The following SMAD4 variants were observed in gnomAD, a reference collection of about 807,000 sequenced individuals.
The protein encoded by SMAD4 is SMAD family member 4, also known as MAD homolog 4.
A neutral mutation model predicts 63.2 loss-of-function variants in SMAD4; 7 were observed. The ratio of observed to expected loss-of-function variants is 0.11; its 90% CI spans 0.06 to 0.21. The LOEUF (loss-of-function observed/expected upper bound fraction) is 0.21, where lower values mean the gene tolerates loss of function less well. SMAD4 is among the 10% of genes least tolerant of loss of function. The pLI is 1.00. For synonymous variants in SMAD4, 215 were observed against 235.4 expected (o/e 0.91, Z 0.79); for missense variants, 312 against 693.8 (o/e 0.45, Z 6.18).
intron 10 of SMAD4, among the ~76,000 whole-genome samples, chr18:51,072,833 A>C (rs1278892129): frequency 3.3e-5 from 5 of 152,174 alleles, no homozygotes; most frequent in Non-Finnish European, 7.4e-5. Flanking sequence ...GATTACTTTG[A>C]ATTGCCTTTG....
At chr18:51,065,720 G>A in intron 9 of SMAD4, 114 bp downstream of exon 9, 1 of 797,692 alleles carries the variant, frequency 1.3e-6, no homozygotes. Flanking sequence ...TATAAATAAA[G>A]GAATAAAGGT....
chr18:51,042,349 CTCTGTTTTCTT>C (rs1332836863), intron 1 of SMAD4, among the ~76,000 whole-genome samples: 1 of 108,330 alleles, frequency 9.2e-6, no homozygotes, highest in Non-Finnish European at 1.8e-5. Context: ...CTCTCTTTCT[CTCTGTTTTCTT>C]TCTTTTTCCT....
chr18:51,084,968 C>A lies in SMAD4; in HGVS notation c.*6501C>A, dbSNP rs1005356406. On this transcript the variant is annotated 3_prime_UTR_variant, in exon 12 of 12. Transcript: ENST00000342988. ...ACTTTTGCCTGGTTAAAGTCTGTGG[C>A]TAAAAAATAGTCGAACCTTTCTTGA... The A allele has an allele frequency of 4.7e-6, 1 of 213,440 alleles. No individual in the cohort carries two copies. The highest frequency in any genetic ancestry group is 9.5e-6 in the Non-Finnish European group (1 of 105,686). 13.2% of individuals were successfully genotyped at this position (213,440 alleles called of 1,614,324 possible). A position where few individuals can be genotyped will look rare whatever the true frequency, so the allele number is the denominator to read the frequency against.
intron 4 of SMAD4, among the ~76,000 whole-genome samples, chr18:51,050,846 T>C (rs1029549827): frequency 2.0e-5 from 3 of 151,906 alleles, no homozygotes; most frequent in African/African-American, 7.3e-5. Flanking sequence ...TCCACCTTTC[T>C]CCCATATCAC....
At chr18:51,073,380 T>TACACACACAC (rs1910372899) in intron 10 of SMAD4, among the ~76,000 whole-genome samples, 1 of 88,002 alleles carries the variant, frequency 1.1e-5, no homozygotes, top group African/African-American at 4.2e-5. Context: ...TATATATATA[T>TACACACACAC]ATATATATAC....
At chr18:51,069,097 T>G (rs1428516428) in intron 10 of SMAD4, among the ~76,000 whole-genome samples, 1 of 152,146 alleles carries the variant, frequency 6.6e-6, no homozygotes, top group Non-Finnish European at 1.5e-5. Context: ...ACAAGTAATT[T>G]CTGTATTGGT....
intron 1 of SMAD4, among the ~76,000 whole-genome samples, chr18:51,038,585 A>G (rs1054367701): frequency 6.6e-6 from 1 of 152,214 alleles, no homozygotes; most frequent in Non-Finnish European, 1.5e-5. Flanking sequence ...TTCTTCATGT[A>G]CTTTAAACAA....
At chr18:51,066,797 A>G in intron 9 of SMAD4, 5 of 513,866 alleles carry the variant, frequency 9.7e-6, no homozygotes, top group South Asian at 8.7e-5. Flanking sequence ...AATTCATACT[A>G]CATGCTCCTG....
chr18:51,041,550 G>A (rs545542406), intron 1 of SMAD4, among the ~76,000 whole-genome samples: 2 of 152,302 alleles, frequency 1.3e-5, no homozygotes, highest in East Asian at 3.9e-4. Flanking sequence ...ATCCAGTTGT[G>A]ACCATATATT....
rs976214874 is a variant in SMAD4 at position 51,055,061 on chromosome 18, C to G, written c.667+68C>G. 6.1e-6 allele frequency: 7 copies of G among 1,152,440 alleles called. No homozygotes were observed. The African/African-American group carries it at 7.6e-5, about 12-fold the overall frequency. The allele number at this position is 1,152,440 out of a possible 1,614,324, so 71.4% of individuals were successfully genotyped here. Reference sequence around the variant, plus strand: ...TAATCATTGCTTATTTATGTGTAGTCACTTGGGGGGAAACTCCAAGTAAGT... The same window carrying G: ...TAATCATTGCTTATTTATGTGTAGTGACTTGGGGGGAAACTCCAAGTAAGT... On this transcript the variant is annotated intron_variant, in intron 5 of 11. Transcript: ENST00000342988.
At chr18:51,076,235 A>G (rs912776500) in intron 10 of SMAD4, among the ~76,000 whole-genome samples, 11 of 152,238 alleles carry the variant, frequency 7.2e-5, no homozygotes, top group Non-Finnish European at 1.2e-4. Context: ...CAAAAATGAT[A>G]AGACAAAAAG....
At chr18:51,051,461 T>TA (rs755636369) in intron 4 of SMAD4, 2 of 451,406 alleles carry the variant, frequency 4.4e-6, no homozygotes, top group South Asian at 3.1e-5. Flanking sequence ...ATTTTTGAGT[T>TA]AAAGTCTTGT....
At chr18:51,068,696 A>AG (rs1910236320) in intron 10 of SMAD4, among the ~76,000 whole-genome samples, 1 of 152,106 alleles carries the variant, frequency 6.6e-6, no homozygotes, top group Non-Finnish European at 1.5e-5. Flanking sequence ...AGGTTGGAGG[A>AG]TTGCTTGAGA....
At chr18:51,059,266 G>C (rs951037945) in intron 7 of SMAD4, among the ~76,000 whole-genome samples, 1 of 152,178 alleles carries the variant, frequency 6.6e-6, no homozygotes, top group African/African-American at 2.4e-5. Context: ...GGCCGTCATA[G>C]TGTTGAAGGG....
At chr18:51,064,588 ATTG>A (rs1910100327) in intron 8 of SMAD4, among the ~76,000 whole-genome samples, 1 of 152,220 alleles carries the variant, frequency 6.6e-6, no homozygotes, top group African/African-American at 2.4e-5. Flanking sequence ...TGATGTAATA[ATTG>A]TTGTTTACAA....
intron 5 of SMAD4, among the ~76,000 whole-genome samples, chr18:51,055,357 G>A (rs1476517945): frequency 3.9e-5 from 6 of 152,106 alleles, no homozygotes; most frequent in Non-Finnish European, 7.4e-5. Context: ...TTTTAATGCG[G>A]TGTTCTTATT....
At chr18:51,067,284 ATATT>A (rs1342847148) in intron 10 of SMAD4, 97 bp downstream of exon 10, 6 of 625,062 alleles carry the variant, frequency 9.6e-6, no homozygotes, top group Admixed American at 2.9e-5. Context: ...AATGTTTTAT[ATATT>A]AAATAATAAG....
chr18:51,053,093 A>T (rs1272265792), intron 4 of SMAD4: 1 of 152,222 alleles, frequency 6.6e-6, no homozygotes, highest in African/African-American at 2.4e-5. Flanking sequence ...TATGGGTCAT[A>T]ACTGTTTAAA....
At chr18:51,050,825 GT>G (rs896797822) in intron 4 of SMAD4, among the ~76,000 whole-genome samples, 58 of 147,210 alleles carry the variant, frequency 3.9e-4, no homozygotes, top group Non-Finnish European at 5.4e-4. Context: ...AATTCTACTT[GT>G]TTTTTTTTTT....
Sources: gnomAD v4.1 joint callset for allele counts (sites outside exome capture counted in the v4.1 genomes callset) on GRCh38, gnomAD v4.1.1 for gene constraint, MANE v1.5 for transcripts, NCBI Gene and HGNC (gene_info 2026-07-23, HGNC 2026-07-21) for gene names.